Variants in SHANK2 observed in about 807,000 individuals in gnomAD.
The protein encoded by SHANK2 is SH3 and multiple ankyrin repeat domains protein 2.
Under a neutral mutation model 133.7 loss-of-function variants are expected in SHANK2, and 43 were observed. That is an observed-to-expected ratio of 0.32 (90% CI 0.25 to 0.41). The LOEUF (loss-of-function observed/expected upper bound fraction) is 0.41. Ranked by LOEUF, SHANK2 falls within the 10% of genes least tolerant of loss-of-function variation. SHANK2 has a pLI of 1.00. For missense variants in SHANK2, 1,994 were observed against 2,235.8 expected, an observed-to-expected ratio of 0.89 and a Z score of 2.18; for synonymous variants, 1,017 against 952.8, an observed-to-expected ratio of 1.07 and a Z score of -1.24.
At chr11:70,711,397 GGCT>G (rs1945780727) in intron 14 of SHANK2, among the ~76,000 whole-genome samples, 1 of 152,254 alleles carries the variant, frequency 6.6e-6, no homozygotes, top group Non-Finnish European at 1.5e-5. Flanking sequence ...GCTGTGCCCA[GGCT>G]GCTGAGCCAA....
At position 71,118,856 on chromosome 11, in the gene SHANK2, G is replaced by A. The variant is rs1233242069; in HGVS notation, c.384C>T (p.Pro128=). 8 of 1,551,106 alleles carry A rather than the reference G, an allele frequency of 5.2e-6. No individual in the cohort carries two copies. The highest frequency in any genetic ancestry group is 2.4e-5 in the South Asian group (2 of 84,006). ...CCAGGGAAGGAACGCCCTCACCCAC[G>A]GGCTGTGGGTACTCGCGCAGGAGCC... The part of the protein sequence containing the change: ...EERLLREYPQ[P]VGEGVPSLEF... The change falls in exon 4 of 26, where the codon CCC becomes CCT. Residue 128 remains proline (P), a synonymous_variant. Coordinates refer to ENST00000601538, the MANE Select transcript of SHANK2 (RefSeq NM_012309.5).
At chr11:70,522,743 T>C (rs2059346258) in intron 17 of SHANK2, among the ~76,000 whole-genome samples, 1 of 152,134 alleles carries the variant, frequency 6.6e-6, no homozygotes, top group South Asian at 2.1e-4. Context: ...CCCTCAGTTA[T>C]TGCAGCCATC....
At chr11:70,894,218 A>G (rs670918) in intron 11 of SHANK2, among the ~76,000 whole-genome samples, 138,429 of 152,178 alleles carry the variant, frequency 0.91, 63,772 homozygotes, top group Non-Finnish European at 0.98. Flanking sequence ...GTTTTGAGAC[A>G]GAGTTTAGCT....
chr11:70,482,560 C>T (rs1046594954), intron 25 of SHANK2, among the ~76,000 whole-genome samples: 1 of 152,244 alleles, frequency 6.6e-6, no homozygotes, highest in Admixed American at 6.5e-5. Flanking sequence ...AGTAGCTTCA[C>T]CGCCCTGCCT....
chr11:70,490,590 G>T (rs191399938), intron 22 of SHANK2, among the ~76,000 whole-genome samples: 2 of 152,232 alleles, frequency 1.3e-5, no homozygotes, highest in Admixed American at 6.5e-5. Flanking sequence ...TTTCCTATTC[G>T]CTGCAGCTGC....
rs1202286730 is a variant in SHANK2 at position 70,471,069 on chromosome 11, G to GT, written c.*1799dup. The GT allele has an allele frequency of 1.5e-3, 571 of 378,190 alleles. No homozygotes were observed. The highest frequency in any genetic ancestry group is 2.0e-3 in the Middle Eastern group (3 of 1,488). 23.4% of individuals were successfully genotyped at this position (378,190 alleles called of 1,614,324 possible). ...GAAATAGTATTATTAAATCACAAAA[G>GT]TTTTTTTTTCTTTAACTTTCTAGCA... On this transcript the variant is annotated 3_prime_UTR_variant, in exon 26 of 26. Coordinates refer to ENST00000601538, the MANE Select transcript of SHANK2 (RefSeq NM_012309.5). This position sits in a 1 kb window ranked among gnomAD's most constrained non-coding sequence, Gnocchi z 4.1.
rs542164003 is a variant in SHANK2, at chr11:71,133,291, CGGCTGGCTGGCT to C, written c.207+13817_207+13828del. On this transcript the variant is annotated intron_variant, in intron 3 of 25. Coordinates refer to ENST00000601538, the MANE Select transcript of SHANK2 (RefSeq NM_012309.5). ...ATGGATGGATGGATGGCCGGCCGGA[CGGCTGGCTGGCT>C]GGCTGGCTGGCTGGCTGGGTAGGTG... Among the ~76,000 whole-genome samples, 92 of 111,308 alleles carry C rather than the reference CGGCTGGCTGGCT, an allele frequency of 8.3e-4. 1 individual carries two copies. Among genetic ancestry groups the C allele is most frequent in the South Asian group, 2.6e-3 (9 of 3,402 alleles). 73.0% of individuals were successfully genotyped at this position (111,308 alleles called of 152,430 possible). A position where few individuals can be genotyped will look rare whatever the true frequency, so the allele number is the denominator to read the frequency against.
At chr11:70,942,022 T>C (rs782283036) in intron 10 of SHANK2, among the ~76,000 whole-genome samples, 1 of 151,966 alleles carries the variant, frequency 6.6e-6, no homozygotes, top group Non-Finnish European at 1.5e-5. Context: ...ACCCCATCTC[T>C]ACTAAAAATA....
rs1378430611 is a variant in SHANK2 at position 71,073,937 on chromosome 11, C to G, written c.1029+1222G>C. 2.6e-5 allele frequency among the ~76,000 whole-genome samples: 4 copies of G among 152,274 alleles called. No individual in the cohort carries two copies. In the East Asian group the frequency reaches 7.7e-4, roughly 29 times the overall value. On this transcript the variant is annotated intron_variant, in intron 9 of 25. Transcript: ENST00000601538. The stretch of plus-strand genomic sequence containing the variant: ...GTAGATGGCTGACTCCAGAACTGAA[C>G]AGAGTTTGCATCCCAGCTACAGAGG...
intron 3 of SHANK2, among the ~76,000 whole-genome samples, chr11:71,124,732 C>T (rs1205920193): frequency 7.9e-5 from 12 of 152,114 alleles, no homozygotes; most frequent in African/African-American, 2.9e-4. Context: ...TATACACACC[C>T]ACTGCCAATC....
At chr11:70,841,625 T>G (rs1466305121) in intron 11 of SHANK2, among the ~76,000 whole-genome samples, 1 of 152,148 alleles carries the variant, frequency 6.6e-6, no homozygotes, top group Non-Finnish European at 1.5e-5. Flanking sequence ...TTGACCTGGG[T>G]GCCTGCGATC....
intron 11 of SHANK2, among the ~76,000 whole-genome samples, chr11:70,874,316 T>C (rs1949521010): frequency 6.6e-6 from 1 of 152,152 alleles, no homozygotes; most frequent in Non-Finnish European, 1.5e-5. Context: ...TATTTATATG[T>C]AATCTATCTA....
chr11:70,883,725 A>G (rs1949693738), intron 11 of SHANK2, among the ~76,000 whole-genome samples: 1 of 152,188 alleles, frequency 6.6e-6, no homozygotes, highest in African/African-American at 2.4e-5. Context: ...GGCACAGAGA[A>G]GGGGTGGGCA....
At chr11:70,883,771 G>T (rs1300396727) in intron 11 of SHANK2, among the ~76,000 whole-genome samples, 1 of 152,210 alleles carries the variant, frequency 6.6e-6, no homozygotes, top group Non-Finnish European at 1.5e-5. Flanking sequence ...CTCCACCTGG[G>T]CTAGGACATG....
At chr11:71,141,109 C>T (rs1952545686) in intron 3 of SHANK2, among the ~76,000 whole-genome samples, 1 of 152,242 alleles carries the variant, frequency 6.6e-6, no homozygotes, top group Non-Finnish European at 1.5e-5. Flanking sequence ...CCGGGGCTGG[C>T]TGGCGTCCTA....
intron 10 of SHANK2, among the ~76,000 whole-genome samples, chr11:70,934,369 G>GCCTC (rs1286387938): frequency 4.6e-5 from 7 of 152,070 alleles, no homozygotes; most frequent in African/African-American, 1.7e-4. Flanking sequence ...CAGCCGGCCG[G>GCCTC]CCTCCCTCCT....
At chr11:70,648,010 T>A (rs547946354) in intron 17 of SHANK2, among the ~76,000 whole-genome samples, 2 of 152,322 alleles carry the variant, frequency 1.3e-5, no homozygotes, top group African/African-American at 4.8e-5. Flanking sequence ...AGCCCAAGTG[T>A]CCCTGAACTA....
intron 2 of SHANK2, among the ~76,000 whole-genome samples, chr11:71,214,109 C>T (rs1565519093): frequency 6.6e-6 from 1 of 152,208 alleles, no homozygotes; most frequent in Non-Finnish European, 1.5e-5. Flanking sequence ...CACAGAAACC[C>T]CCAGAAAGGG....
chr11:71,073,147 C>CTTT lies in SHANK2; in HGVS notation c.1029+2009_1029+2011dup, dbSNP rs1156355131. On this transcript the variant is annotated intron_variant, in intron 9 of 25. Transcript: ENST00000601538. ...TTTTTGTTTTTTTTCTTTTTCTTTT[C>CTTT]TTTTTTTTCTTTTTTTTCTTTTTTT... Among the ~76,000 whole-genome samples, 199 of 62,670 alleles carry CTTT rather than the reference C, an allele frequency of 3.2e-3. 45 individuals carry two copies. Among genetic ancestry groups the CTTT allele is most frequent in the East Asian group, 5.0e-3 (11 of 2,222 alleles). The allele number at this position is 62,670 out of a possible 152,430, so 41.1% of individuals were successfully genotyped here.
Sources: gnomAD v4.1 joint callset for allele counts (sites outside exome capture counted in the v4.1 genomes callset) on GRCh38, gnomAD v4.1.1 for gene constraint, Gnocchi (gnomAD v3.1) non-coding constraint, MANE v1.5 for transcripts, NCBI Gene and HGNC (gene_info 2026-07-23, HGNC 2026-07-21) for gene names.